The following TIPIN variants were observed in gnomAD, a reference collection of about 807,000 sequenced individuals.
TIPIN encodes TIMELESS interacting protein.
In TIPIN, 29 loss-of-function variants were observed where a neutral mutation model predicts 35.6. That is an observed-to-expected ratio of 0.82 (90% CI 0.61 to 1.11). The LOEUF (loss-of-function observed/expected upper bound fraction) is 1.11, where lower values mean the gene tolerates loss of function less well. TIPIN is among the 50% of genes most tolerant of loss of function. The pLI, the probability that TIPIN is intolerant of heterozygous loss-of-function variation, is 0.00. For synonymous variants in TIPIN, 102 were observed against 121.5 expected, an observed-to-expected ratio of 0.84 and a Z score of 1.06; for missense variants, 296 against 345.4, an observed-to-expected ratio of 0.86 and a Z score of 1.13.
At chr15:66,352,232 T>A in intron 2 of TIPIN, 25 bp from the exon 3 acceptor site, 2 of 1,493,786 alleles carry the variant, frequency 1.3e-6, no homozygotes, top group Non-Finnish European at 1.8e-6. Flanking sequence ...CACGATTCAG[T>A]ATTACTGTAC....
upstream of TIPIN, among the ~76,000 whole-genome samples, chr15:66,361,582 G>T (rs1477481426): frequency 3.6e-5 from 5 of 138,132 alleles, no homozygotes; most frequent in Non-Finnish European, 6.3e-5. Flanking sequence ...AAAAAAAACA[G>T]CAAAAAGCAA....
chr15:66,373,859 C>T (rs1380602706), intron 1 of TIPIN, among the ~76,000 whole-genome samples: 3 of 151,908 alleles, frequency 2.0e-5, no homozygotes, highest in African/African-American at 4.8e-5. Context: ...TGTACCATTA[C>T]ACCTGGCTAA....
chr15:66,362,031 C>T (rs2093233770), intron 1 of TIPIN, among the ~76,000 whole-genome samples: 1 of 151,802 alleles, frequency 6.6e-6, no homozygotes, highest in Non-Finnish European at 1.5e-5. Flanking sequence ...CTGCCGGGCA[C>T]AGTGGCTCAT....
At chr15:66,337,245 C>A in intron 7 of TIPIN, 64 bp from the exon 8 acceptor site, 1 of 1,273,640 alleles carries the variant, frequency 7.9e-7, no homozygotes. Context: ...CGCATGAGTA[C>A]AAACCTCTTC....
chr15:66,382,422 T>G, intron 1 of TIPIN: 1 of 977,462 alleles, frequency 1.0e-6, no homozygotes, highest in South Asian at 4.7e-5. Context: ...TTTCTTCTGT[T>G]TTCCAGGCTG....
chr15:66,356,779 C>A, upstream of TIPIN: 8 of 958,684 alleles, frequency 8.3e-6, no homozygotes, highest in Non-Finnish European at 9.9e-6. Flanking sequence ...GCGGAGCCTG[C>A]AAAACCCGCC....
At chr15:66,356,779 C>T (rs1315362166), upstream of TIPIN, 2 of 958,594 alleles carry the variant, frequency 2.1e-6, no homozygotes, top group Admixed American at 6.2e-5. Context: ...GCGGAGCCTG[C>T]AAAACCCGCC....
At chr15:66,364,587 T>G (rs984623092) in intron 1 of TIPIN, among the ~76,000 whole-genome samples, 3 of 152,128 alleles carry the variant, frequency 2.0e-5, no homozygotes, top group Non-Finnish European at 4.4e-5. Flanking sequence ...ACAAATGTAT[T>G]CAACATGTAT....
rs931211211 is a variant in TIPIN at position 66,336,430 on chromosome 15, T to C, written c.*528A>G. 1.9e-5 allele frequency: 3 copies of C among 155,002 alleles called. No individual in the cohort carries two copies. The highest frequency in any genetic ancestry group is 1.9e-4 in the Admixed American group (3 of 15,796). The allele number at this position is 155,002 out of a possible 1,614,324, so 9.6% of individuals were successfully genotyped here. A position where few individuals can be genotyped will look rare whatever the true frequency, so the allele number is the denominator to read the frequency against. ...TTAGCCAAGCGTGGTGGCACACGCC[T>C]GTAGTCCCAGCTACTCGGGAGGCTA... On this transcript the variant is annotated 3_prime_UTR_variant, in exon 8 of 8. Transcript: ENST00000261881.
intron 3 of TIPIN, 108 bp from the exon 4 acceptor site, chr15:66,351,708 G>A (rs983776005): frequency 1.1e-6 from 1 of 887,606 alleles, no homozygotes. Flanking sequence ...CGCGATCTCG[G>A]GTCACTGCAA....
intron 1 of TIPIN, among the ~76,000 whole-genome samples, chr15:66,371,993 C>T (rs1322324892): frequency 6.6e-6 from 1 of 152,112 alleles, no homozygotes; most frequent in Non-Finnish European, 1.5e-5. Flanking sequence ...GAGGTTCTCA[C>T]TATATTGCCC....
intron 6 of TIPIN, among the ~76,000 whole-genome samples, chr15:66,344,706 A>C (rs1464838225): frequency 1.3e-5 from 2 of 151,504 alleles, no homozygotes; most frequent in Non-Finnish European, 2.9e-5. Context: ...AAAGAAAAAA[A>C]AAAAAAAGAA....
chr15:66,349,649 G>A (rs1037248767), intron 4 of TIPIN, among the ~76,000 whole-genome samples: 5 of 152,026 alleles, frequency 3.3e-5, no homozygotes, highest in African/African-American at 1.2e-4. Context: ...GAGGCCTAGG[G>A]GGACGGATCA....
intron 6 of TIPIN, among the ~76,000 whole-genome samples, chr15:66,347,804 A>G (rs1225265255): frequency 1.3e-5 from 2 of 152,028 alleles, no homozygotes; most frequent in Non-Finnish European, 2.9e-5. Context: ...GGCTGTTCCC[A>G]AACTCCTGAC....
intron 6 of TIPIN, among the ~76,000 whole-genome samples, chr15:66,346,257 CTTTTTTTTTTT>C (rs536484516): frequency 7.6e-6 from 1 of 131,090 alleles, no homozygotes; most frequent in Non-Finnish European, 1.6e-5. Flanking sequence ...CTTAATTTAT[CTTTTTTTTTTT>C]TTTTTTTTAC....
At position 66,381,017 on chromosome 15, in the gene TIPIN, T is replaced by C. The variant is rs188224759; in HGVS notation, c.-9+5590A>G. Among the ~76,000 whole-genome samples, 123 of 152,322 alleles carry C rather than the reference T, an allele frequency of 8.1e-4. 2 individuals carry two copies. In the East Asian group the frequency reaches 0.021, roughly 26 times the overall value. On this transcript the variant is annotated intron_variant, in intron 1 of 7. Transcript: ENST00000562124. ...GATTTTACCTATTTAAATAATACTATGTTGATCATTCTTCTGTATAGCTTT... is the reference window on the plus strand; with the variant it reads ...GATTTTACCTATTTAAATAATACTACGTTGATCATTCTTCTGTATAGCTTT...
At chr15:66,353,069 T>A (rs2093179418) in intron 1 of TIPIN, 114 bp from the exon 2 acceptor site, 4 of 993,128 alleles carry the variant, frequency 4.0e-6, no homozygotes, top group Non-Finnish European at 4.2e-6. Flanking sequence ...CATTTCAAAC[T>A]CACACATCAT....
At chr15:66,371,797 G>C (rs1226218180) in intron 1 of TIPIN, among the ~76,000 whole-genome samples, 1 of 151,052 alleles carries the variant, frequency 6.6e-6, no homozygotes, top group Non-Finnish European at 1.5e-5. Context: ...GATTACAGGC[G>C]TGAGCCACCG....
Position 66,355,236 on chromosome 15 carries a change from T to A in TIPIN, c.-9+1403A>T, listed in dbSNP as rs1017711329. Among the ~76,000 whole-genome samples the A allele has an allele frequency of 6.0e-5, 9 of 151,126 alleles. 1 individual carries two copies. The highest frequency in any genetic ancestry group is 5.9e-4 in the Admixed American group (9 of 15,164). ...TTTTCATAGAGACGGTGTTTCACCG[T>A]GTTAGCCAGGATGGTCTCGATCTCC... is the stretch of plus-strand genomic sequence containing the variant. On this transcript the variant is annotated intron_variant, in intron 1 of 7. Transcript: ENST00000261881.
Sources: allele counts gnomAD v4.1 joint callset (sites outside exome capture counted in the v4.1 genomes callset), GRCh38; gene constraint gnomAD v4.1.1; transcripts MANE v1.5; gene names NCBI Gene and HGNC (gene_info 2026-07-23, HGNC 2026-07-21).